The following RALYL variants were observed in gnomAD, a reference collection of about 807,000 sequenced individuals.
The protein encoded by RALYL is RALY RNA binding protein like.
RALYL carries 29 observed loss-of-function variants against 35.1 expected under a neutral mutation model. The observed-to-expected ratio is 0.83, with a 90% CI of 0.61 to 1.13. The LOEUF is 1.13. RALYL is among the 50% of genes most tolerant of loss of function. RALYL has a pLI of 0.00. For synonymous variants in RALYL, 120 were observed against 127.6 expected, an observed-to-expected ratio of 0.94 and a Z score of 0.40; for missense variants, 359 against 360.4, an observed-to-expected ratio of 1.00 and a Z score of 0.03.
intron 2 of RALYL, among the ~76,000 whole-genome samples, chr8:84,563,619 C>T (rs941188921): frequency 9.9e-5 from 15 of 151,222 alleles, no homozygotes; most frequent in African/African-American, 3.6e-4. Context: ...GAACCTAGAT[C>T]TTTTCTTTGT....
chr8:84,215,013 C>T (rs1467186607), intron 1 of RALYL, among the ~76,000 whole-genome samples: 1 of 151,914 alleles, frequency 6.6e-6, no homozygotes, highest in Admixed American at 6.6e-5. Flanking sequence ...TCATGCCATT[C>T]TCCTGCCTCA....
At chr8:84,356,093 C>T (rs1851783218) in intron 1 of RALYL, among the ~76,000 whole-genome samples, 1 of 150,054 alleles carries the variant, frequency 6.7e-6, no homozygotes, top group Non-Finnish European at 1.5e-5. Flanking sequence ...GCTTCCTTCC[C>T]TTTCATCTTC....
At chr8:84,324,381 C>A (rs1179837925) in intron 1 of RALYL, among the ~76,000 whole-genome samples, 1 of 151,856 alleles carries the variant, frequency 6.6e-6, no homozygotes, top group Non-Finnish European at 1.5e-5. Flanking sequence ...GGTTGTATAG[C>A]TTAGAGTCAT....
chr8:84,855,101 A>G (rs1272387332), intron 5 of RALYL, among the ~76,000 whole-genome samples: 1 of 152,198 alleles, frequency 6.6e-6, no homozygotes, highest in Non-Finnish European at 1.5e-5. Context: ...CCAAAACACA[A>G]ATAAAAAGCA....
chr8:84,340,235 T>C (rs1290991935), intron 1 of RALYL, among the ~76,000 whole-genome samples: 1 of 152,090 alleles, frequency 6.6e-6, no homozygotes, highest in Non-Finnish European at 1.5e-5. Flanking sequence ...AATGGACTAA[T>C]ACATCAGGTC....
chr8:84,627,195 A>G (rs561093155), intron 2 of RALYL, among the ~76,000 whole-genome samples: 1 of 152,088 alleles, frequency 6.6e-6, no homozygotes, highest in Admixed American at 6.6e-5. Flanking sequence ...GAAGTCTTCA[A>G]CTTAGCATTC....
In RALYL at chr8:84,184,152, T is replaced by C. The variant is rs1246393490; in HGVS notation, c.-296T>C. 1 of 152,178 alleles carries C rather than the reference T, an allele frequency of 6.6e-6. No homozygotes were observed. The highest frequency in any genetic ancestry group is 1.5e-5 in the Non-Finnish European group (1 of 68,032). The allele number at this position is 152,178 out of a possible 1,614,324, so 9.4% of individuals were successfully genotyped here. A position where few individuals can be genotyped will look rare whatever the true frequency, so the allele number is the denominator to read the frequency against. ...TGAAACTTTTCTTACAGCTGGTGAT[T>C]GGGATCATTTTTAAGCAAAATACTT... is the stretch of plus-strand genomic sequence containing the variant. On this transcript the variant is annotated 5_prime_UTR_variant, in exon 1 of 9. Transcript: ENST00000521268.
At chr8:84,665,809 A>C (rs1316857197) in intron 2 of RALYL, 1 of 151,998 alleles carries the variant, frequency 6.6e-6, no homozygotes, top group Non-Finnish European at 1.5e-5. Flanking sequence ...TGCAGGGGCC[A>C]TGCTACTCTT....
At chr8:84,835,502 TAAAA>T (rs35745516) in intron 4 of RALYL, among the ~76,000 whole-genome samples, 17 of 96,318 alleles carry the variant, frequency 1.8e-4, no homozygotes, top group East Asian at 2.9e-4. Flanking sequence ...CTGTCTCTAC[TAAAA>T]AAAAAAAAAA....
chr8:84,884,173 C>T (rs554704933), intron 7 of RALYL, among the ~76,000 whole-genome samples: 1 of 151,968 alleles, frequency 6.6e-6, no homozygotes, highest in Non-Finnish European at 1.5e-5. Context: ...CTGTATCATC[C>T]TTTTTGAGTG....
chr8:84,771,290 G>T (rs1350969135), intron 2 of RALYL, among the ~76,000 whole-genome samples: 2 of 151,412 alleles, frequency 1.3e-5, no homozygotes, highest in Non-Finnish European at 2.9e-5. Context: ...GCTACCATTT[G>T]TTTATCCTAT....
chr8:84,750,141 G>T (rs1479636737), intron 2 of RALYL, among the ~76,000 whole-genome samples: 2 of 152,172 alleles, frequency 1.3e-5, no homozygotes, highest in Non-Finnish European at 2.9e-5. Context: ...TCCAGAGCCA[G>T]CCAGAAAACT....
At chr8:84,817,335 T>C (rs1349793186) in intron 4 of RALYL, among the ~76,000 whole-genome samples, 1 of 152,076 alleles carries the variant, frequency 6.6e-6, no homozygotes, top group Non-Finnish European at 1.5e-5. Flanking sequence ...TTTATCCAGG[T>C]TTTGTAGGAA....
At chr8:84,242,603 TTA>T (rs1180030721) in intron 1 of RALYL, among the ~76,000 whole-genome samples, 1 of 152,248 alleles carries the variant, frequency 6.6e-6, no homozygotes, top group East Asian at 1.9e-4. Flanking sequence ...TGAGGTTTTT[TTA>T]TATGTTTGTT....
At chr8:84,843,230 C>A (rs1186261996) in intron 4 of RALYL, among the ~76,000 whole-genome samples, 1 of 152,104 alleles carries the variant, frequency 6.6e-6, no homozygotes, top group Non-Finnish European at 1.5e-5. Flanking sequence ...ACTGTCTCAG[C>A]CCAAAATCTC....
At chr8:84,897,520 GCTTT>G (rs1232353875) in intron 8 of RALYL, among the ~76,000 whole-genome samples, 8 of 151,788 alleles carry the variant, frequency 5.3e-5, no homozygotes, top group Non-Finnish European at 7.4e-5. Flanking sequence ...CATTCTTATG[GCTTT>G]CTTTTTTTTA....
intron 1 of RALYL, among the ~76,000 whole-genome samples, chr8:84,528,093 C>T (rs2059029633): frequency 1.3e-5 from 2 of 152,082 alleles, no homozygotes; most frequent in African/African-American, 4.8e-5. Context: ...TTAGAAATAT[C>T]ATTTTAAATG....
At chr8:84,759,068 A>C (rs1469310033) in intron 2 of RALYL, among the ~76,000 whole-genome samples, 1 of 152,108 alleles carries the variant, frequency 6.6e-6, no homozygotes, top group African/African-American at 2.4e-5. Flanking sequence ...ATTCAAAGCC[A>C]ACAATGGTGG....
At chr8:84,227,566 T>A (rs1824251969) in intron 1 of RALYL, among the ~76,000 whole-genome samples, 1 of 152,160 alleles carries the variant, frequency 6.6e-6, no homozygotes, top group Non-Finnish European at 1.5e-5. Flanking sequence ...AGTTACATGA[T>A]CTTATTCTTC....
Sources: gnomAD v4.1 joint callset for allele counts (sites outside exome capture counted in the v4.1 genomes callset) on GRCh38, gnomAD v4.1.1 for gene constraint, MANE v1.5 for transcripts, NCBI Gene and HGNC (gene_info 2026-07-23, HGNC 2026-07-21) for gene names.